MGAT4C: variants seen among roughly 807,000 people sequenced by gnomAD.
MGAT4C encodes MGAT4 family member C, also known as alpha-1,3-mannosyl-glycoprotein 4-beta-N-acetylglucosaminyltransferase C.
MGAT4C carries 19 observed loss-of-function variants against 40.1 expected under a neutral mutation model. That is an observed-to-expected ratio of 0.47 (90% CI 0.33 to 0.70). The LOEUF is 0.70. Among genes scored for constraint, MGAT4C ranks in the 30% least tolerant of loss-of-function variants. The pLI is 0.02. For missense variants in MGAT4C, 491 were observed against 563.2 expected (o/e 0.87, Z 1.30); for synonymous variants, 181 against 187.1 (o/e 0.97, Z 0.27).
chr12:86,289,837 T>TC, intron 4 of MGAT4C, among the ~76,000 whole-genome samples: 1 of 152,294 alleles, frequency 6.6e-6, no homozygotes, highest in South Asian at 2.1e-4. Context: ...GAAATTGTTT[T>TC]CCCAAATTCA....
chr12:86,343,692 C>A (rs148366262), intron 3 of MGAT4C, among the ~76,000 whole-genome samples: 4 of 152,278 alleles, frequency 2.6e-5, no homozygotes, highest in African/African-American at 9.6e-5. Flanking sequence ...ACACTGTGTA[C>A]ACTTTCAAAT....
rs1275950651 is a variant in MGAT4C, at chr12:86,307,204, TTATTA to T, written c.-57+26856_-57+26860del. Among the ~76,000 whole-genome samples, 99 of 80,802 alleles carry T rather than the reference TTATTA, an allele frequency of 1.2e-3. 11 individuals are homozygous for T. The highest frequency in any genetic ancestry group is 3.6e-3 in the African/African-American group (98 of 26,922). The allele number at this position is 80,802 out of a possible 152,430, so 53.0% of individuals were successfully genotyped here. On this transcript the variant is annotated intron_variant, in intron 4 of 7. Coordinates refer to the MGAT4C transcript ENST00000548651. Reference sequence around the variant, plus strand: ...AAAAGGTTCTGCTAAATGTCTGTATTTATTATAATAACTGTATTAGATTTGTCTCA... The same window carrying T: ...AAAAGGTTCTGCTAAATGTCTGTATTTAATAACTGTATTAGATTTGTCTCA...
intron 2 of MGAT4C, among the ~76,000 whole-genome samples, chr12:86,578,926 G>T (rs762463288): frequency 2.6e-5 from 4 of 151,124 alleles, no homozygotes; most frequent in Non-Finnish European, 5.9e-5. Context: ...TAGTGACCTT[G>T]TCTCTTATTA....
intron 2 of MGAT4C, among the ~76,000 whole-genome samples, chr12:86,642,600 T>G (rs1963424287): frequency 6.6e-6 from 1 of 151,770 alleles, no homozygotes; most frequent in Non-Finnish European, 1.5e-5. Flanking sequence ...CAGGAGCATG[T>G]AAAGGAGTCA....
intron 2 of MGAT4C, among the ~76,000 whole-genome samples, chr12:86,706,361 T>A (rs1950458342): frequency 6.6e-6 from 1 of 152,194 alleles, no homozygotes. Flanking sequence ...TTAATTGGAA[T>A]GTTCAACAAA....
intron 1 of MGAT4C, among the ~76,000 whole-genome samples, chr12:86,098,044 T>C (rs546327610): frequency 1.3e-5 from 2 of 151,684 alleles, no homozygotes; most frequent in Non-Finnish European, 3.0e-5. Context: ...AGTCTTTCTC[T>C]ACACTTTTCA....
intron 3 of MGAT4C, among the ~76,000 whole-genome samples, chr12:86,335,458 T>C (rs1006594752): frequency 2.0e-5 from 3 of 152,014 alleles, no homozygotes; most frequent in Admixed American, 6.6e-5. Context: ...TGAGCAATAT[T>C]AGCAAACACA....
intron 3 of MGAT4C, among the ~76,000 whole-genome samples, chr12:86,418,590 C>A (rs1184061012): frequency 6.9e-6 from 1 of 145,662 alleles, no homozygotes; most frequent in Non-Finnish European, 1.5e-5. Flanking sequence ...GACTCCATCT[C>A]AATAAATAAA....
intron 1 of MGAT4C, among the ~76,000 whole-genome samples, chr12:86,777,477 T>C (rs1372505165): frequency 6.6e-6 from 1 of 152,178 alleles, no homozygotes; most frequent in African/African-American, 2.4e-5. Context: ...TTAAAAAGTG[T>C]CCTGGCGTGG....
intron 2 of MGAT4C, among the ~76,000 whole-genome samples, chr12:85,993,570 T>A (rs890937172): frequency 1.3e-5 from 2 of 152,120 alleles, no homozygotes; most frequent in African/African-American, 4.8e-5. Context: ...TGATTCTCCA[T>A]CTCCTGATTT....
At chr12:86,012,784 C>A (rs61931068) in intron 2 of MGAT4C, among the ~76,000 whole-genome samples, 20,374 of 116,004 alleles carry the variant, frequency 0.18, 1,753 homozygotes, top group African/African-American at 0.31. Flanking sequence ...CAACAACCAC[C>A]ACCACCACCA....
rs1206816768 is a variant in MGAT4C, at chr12:86,603,472, A to T, written c.-229+123737T>A. ...CTATAGACTATATAATATATACTAT[A>T]TATAGTCTATAGACTATATAATATA... On this transcript the variant is annotated intron_variant, in intron 2 of 7. Transcript: ENST00000548651. Among the ~76,000 whole-genome samples, 7 of 119,784 alleles carry T rather than the reference A, an allele frequency of 5.8e-5. No homozygotes were observed. In the East Asian group the frequency reaches 1.7e-3, roughly 29 times the overall value. 78.6% of individuals were successfully genotyped at this position (119,784 alleles called of 152,430 possible). A position where few individuals can be genotyped will look rare whatever the true frequency, so the allele number is the denominator to read the frequency against.
At chr12:86,677,331 A>G (rs751196549) in intron 2 of MGAT4C, among the ~76,000 whole-genome samples, 1 of 152,088 alleles carries the variant, frequency 6.6e-6, no homozygotes, top group Non-Finnish European at 1.5e-5. Context: ...CAAATTCCCA[A>G]ATTAGGAGTT....
chr12:86,046,005 A>C (rs1255713166), intron 2 of MGAT4C, among the ~76,000 whole-genome samples: 1 of 152,018 alleles, frequency 6.6e-6, no homozygotes, highest in Non-Finnish European at 1.5e-5. Context: ...GTGTAGAGCC[A>C]AAACTAATGA....
intron 1 of MGAT4C, among the ~76,000 whole-genome samples, chr12:86,090,371 A>C (rs1321146912): frequency 2.0e-5 from 3 of 151,788 alleles, no homozygotes; most frequent in East Asian, 3.9e-4. Context: ...ATTTCATCTT[A>C]TTTAATTTTC....
At position 86,641,735 on chromosome 12, in the gene MGAT4C, A is replaced by G. The variant is rs1302996985; in HGVS notation, c.-229+85474T>C. Reference sequence around the variant, plus strand: ...GTGTGATAACAGCAAATTAACAGAGAACATCTGATGAAAGCAAAGGAAAAC... The same window carrying G: ...GTGTGATAACAGCAAATTAACAGAGGACATCTGATGAAAGCAAAGGAAAAC... On this transcript the variant is annotated intron_variant, in intron 2 of 7. Transcript: ENST00000548651. Among the ~76,000 whole-genome samples the G allele has an allele frequency of 2.0e-5, 3 of 151,704 alleles. No individual in the cohort carries two copies. The South Asian group carries it at 6.2e-4, about 31-fold the overall frequency.
At chr12:86,050,881 G>A (rs898519053) in intron 1 of MGAT4C, among the ~76,000 whole-genome samples, 2 of 151,998 alleles carry the variant, frequency 1.3e-5, no homozygotes, top group African/African-American at 4.8e-5. Context: ...TTCACAGCCA[G>A]TTAGTCATAT....
At chr12:86,133,031 A>G (rs1450026618) in intron 1 of MGAT4C, among the ~76,000 whole-genome samples, 3 of 152,176 alleles carry the variant, frequency 2.0e-5, no homozygotes, top group Non-Finnish European at 4.4e-5. Context: ...CTTGGGAGAA[A>G]CATCTGCTAA....
At chr12:86,011,505 C>T (rs919363822) in intron 2 of MGAT4C, among the ~76,000 whole-genome samples, 1 of 152,092 alleles carries the variant, frequency 6.6e-6, no homozygotes, top group African/African-American at 2.4e-5. Context: ...TGACCATCAA[C>T]CAGTATAATT....
Sources: allele counts gnomAD v4.1 joint callset (sites outside exome capture counted in the v4.1 genomes callset), GRCh38; gene constraint gnomAD v4.1.1; transcripts MANE v1.5; gene names NCBI Gene and HGNC (gene_info 2026-07-23, HGNC 2026-07-21).